The following HS6ST2 variants were observed in gnomAD, a reference collection of about 807,000 sequenced individuals.
The protein encoded by HS6ST2 is heparan sulfate 6-O-sulfotransferase 2, also known as heparan-sulfate 6-O-sulfotransferase 2.
In HS6ST2, 17 loss-of-function variants were observed where a neutral mutation model predicts 33.0. The ratio of observed to expected loss-of-function variants is 0.52; its 90% CI spans 0.35 to 0.77. HS6ST2 has a LOEUF of 0.77. Ranked by LOEUF, HS6ST2 falls within the 30% of genes least tolerant of loss-of-function variation. The pLI is 0.01. For synonymous variants in HS6ST2, 248 were observed against 237.1 expected (o/e 1.05, Z -0.42); for missense variants, 519 against 551.7 (o/e 0.94, Z 0.59).
At chrX:132,638,938 T>A (rs243447) in intron 4 of HS6ST2, among the ~76,000 whole-genome samples, 15,910 of 111,928 alleles carry the variant, frequency 0.14, 823 homozygotes, top group Non-Finnish European at 0.15. Context: ...CCTTCATTCA[T>A]TGATTCTTTT....
chrX:132,640,647 A>G (rs1450765594), intron 4 of HS6ST2, among the ~76,000 whole-genome samples: 3 of 111,676 alleles, frequency 2.7e-5, no homozygotes, highest in Non-Finnish European at 5.6e-5. Flanking sequence ...GCTAGTCTGA[A>G]CTAAGAAGTG....
At chrX:132,708,619 G>T in intron 2 of HS6ST2, 125 bp from the exon 3 acceptor site, 1 of 560,705 alleles carries the variant, frequency 1.8e-6, no homozygotes, top group African/African-American at 2.3e-5. Context: ...TAGGGAAACA[G>T]CTCATAGATG....
chrX:132,635,848 C>T (rs1445460122), intron 4 of HS6ST2, among the ~76,000 whole-genome samples: 1 of 111,242 alleles, frequency 9.0e-6, no homozygotes, highest in Non-Finnish European at 1.9e-5. Flanking sequence ...GGCAGTGACT[C>T]CACAGGTGCT....
chrX:132,958,302 G>T lies in HS6ST2; in HGVS notation c.301C>A (p.Leu101Ile). 8.4e-7 allele frequency: 1 copy of T among 1,195,481 alleles called. No homozygotes were observed. The highest frequency in any genetic ancestry group is 1.7e-5 in the African/African-American group (1 of 57,932). ...SRGRRRRMHV[L>I]RRRWDLGSLC... ...GAGCCCAGGTCCCAGCGTCGCCTGA[G>T]GACGTGCATCCGCCTGCGGCGGCCC... The change falls in exon 1 of 5, where the codon CTC becomes ATC. Residue 101 changes from leucine (L) to isoleucine (I), a missense_variant. Transcript: ENST00000370833.
At chrX:132,943,562 G>A (rs2066909791) in intron 2 of HS6ST2, among the ~76,000 whole-genome samples, 1 of 111,087 alleles carries the variant, frequency 9.0e-6, no homozygotes, top group Non-Finnish European at 1.9e-5. Flanking sequence ...CAAAAAAAGC[G>A]AAATTTAGAC....
At chrX:132,933,122 T>C (rs1638344479) in intron 2 of HS6ST2, among the ~76,000 whole-genome samples, 1 of 108,186 alleles carries the variant, frequency 9.2e-6, no homozygotes, top group African/African-American at 3.4e-5. Flanking sequence ...AGGCCAGGAG[T>C]ATGGAGACCA....
At chrX:132,648,484 G>A (rs1465084247) in intron 4 of HS6ST2, among the ~76,000 whole-genome samples, 2 of 105,731 alleles carry the variant, frequency 1.9e-5, no homozygotes, top group Non-Finnish European at 3.9e-5. Flanking sequence ...GGATAGTTCC[G>A]GAGCCCTAGG....
chrX:132,791,329 T>G (rs1243145496), intron 2 of HS6ST2, among the ~76,000 whole-genome samples: 1 of 111,885 alleles, frequency 8.9e-6, no homozygotes. Flanking sequence ...TTACCAACAT[T>G]CAAAATACTT....
At chrX:132,657,276 G>C (rs2063737068) in intron 4 of HS6ST2, among the ~76,000 whole-genome samples, 1 of 111,520 alleles carries the variant, frequency 9.0e-6, no homozygotes, top group Admixed American at 9.5e-5. Flanking sequence ...AGATAATCAG[G>C]TAAGGAAACT....
At chrX:132,940,474 C>T (rs976469232) in intron 2 of HS6ST2, among the ~76,000 whole-genome samples, 3 of 111,659 alleles carry the variant, frequency 2.7e-5, no homozygotes, top group Non-Finnish European at 5.6e-5. Flanking sequence ...TGGGTACCTT[C>T]AAGAAAGTGA....
At chrX:132,777,669 A>G (rs1452427302) in intron 2 of HS6ST2, among the ~76,000 whole-genome samples, 3 of 105,198 alleles carry the variant, frequency 2.9e-5, no homozygotes, top group East Asian at 6.0e-4. Context: ...CTGGTCTCAA[A>G]CTTCTGACCT....
chrX:132,718,006 C>T (rs2064292638), intron 2 of HS6ST2, among the ~76,000 whole-genome samples: 1 of 112,008 alleles, frequency 8.9e-6, no homozygotes, highest in African/African-American at 3.2e-5. Flanking sequence ...GTTTGCCAAA[C>T]CATCTGGCAC....
At chrX:132,812,583 TG>T (rs35783156) in intron 2 of HS6ST2, among the ~76,000 whole-genome samples, 37,655 of 99,876 alleles carry the variant, frequency 0.38, 6,412 homozygotes, top group African/African-American at 0.57. Flanking sequence ...TTTTTTTTTT[TG>T]GGGGGGGGAG....
intron 2 of HS6ST2, among the ~76,000 whole-genome samples, chrX:132,900,350 G>C (rs979484974): frequency 8.9e-6 from 1 of 111,740 alleles, no homozygotes; most frequent in Non-Finnish European, 1.9e-5. Context: ...CACTGTAAAT[G>C]ATAAAAATGT....
intron 2 of HS6ST2, among the ~76,000 whole-genome samples, chrX:132,888,057 G>A (rs750261372): frequency 1.8e-5 from 2 of 111,828 alleles, no homozygotes; most frequent in Non-Finnish European, 3.8e-5. Context: ...ATTTTGTGGG[G>A]TAATGGAAGT....
At chrX:132,916,012 C>T (rs933335057) in intron 2 of HS6ST2, among the ~76,000 whole-genome samples, 1 of 111,042 alleles carries the variant, frequency 9.0e-6, no homozygotes. Context: ...GGATTACAGA[C>T]GTGAGCCACT....
chrX:132,860,426 T>C (rs2065899678), intron 2 of HS6ST2, among the ~76,000 whole-genome samples: 1 of 112,453 alleles, frequency 8.9e-6, no homozygotes, highest in East Asian at 2.8e-4. Context: ...AGAGTCTTTG[T>C]GCATCCTTTC....
intron 2 of HS6ST2, among the ~76,000 whole-genome samples, chrX:132,731,716 G>A (rs1405686402): frequency 2.7e-5 from 3 of 111,225 alleles, no homozygotes; most frequent in South Asian, 3.9e-4. Context: ...GTGTGGTGGC[G>A]GGCACCTGTA....
rs2064812508 is a variant in HS6ST2, at chrX:132,762,627, A to G, written c.948-54133T>C. ...AGGAATGTGGAGGCCAGGGACAGGG[A>G]CAAGAATGGCAGAGACCACAAAAGA... On this transcript the variant is annotated intron_variant, in intron 2 of 4. Transcript: ENST00000370833. 2.7e-5 allele frequency among the ~76,000 whole-genome samples: 3 copies of G among 111,586 alleles called. No homozygotes were observed. The South Asian group carries it at 1.1e-3, about 42-fold the overall frequency.
Sources: gnomAD v4.1 joint callset for allele counts (sites outside exome capture counted in the v4.1 genomes callset) on GRCh38, gnomAD v4.1.1 for gene constraint, MANE v1.5 for transcripts, NCBI Gene and HGNC (gene_info 2026-07-23, HGNC 2026-07-21) for gene names.